The following ST3GAL4 variants were observed in gnomAD, a reference collection of about 807,000 sequenced individuals.
ST3GAL4 encodes the protein ST3 beta-galactoside alpha-2,3-sialyltransferase 4.
In ST3GAL4, 24 loss-of-function variants were observed where a neutral mutation model predicts 42.6. The ratio of observed to expected loss-of-function variants is 0.56; its 90% CI spans 0.41 to 0.79. The LOEUF is 0.79. Ranked by LOEUF, ST3GAL4 falls within the 30% of genes least tolerant of loss-of-function variation. The pLI is 0.00. For missense variants in ST3GAL4, 311 were observed against 430.8 expected (o/e 0.72, Z 2.46); for synonymous variants, 135 against 163.2 (o/e 0.83, Z 1.32).
intron 1 of ST3GAL4, among the ~76,000 whole-genome samples, chr11:126,381,055 T>G (rs1952982671): frequency 6.6e-6 from 1 of 152,216 alleles, no homozygotes; most frequent in Non-Finnish European, 1.5e-5. Context: ...CACTTCTGCA[T>G]GTGCACAGCC....
rs1565432218 is a variant in ST3GAL4, at chr11:126,414,286, C to T, written c.*239C>T. 5 of 560,560 alleles carry T rather than the reference C, an allele frequency of 8.9e-6. No homozygotes were observed. The highest frequency in any genetic ancestry group is 2.2e-5 in the South Asian group (1 of 45,678). The allele number at this position is 560,560 out of a possible 1,614,324, so 34.7% of individuals were successfully genotyped here. On this transcript the variant is annotated 3_prime_UTR_variant, in exon 11 of 11. Transcript: ENST00000444328. ...GGGAGCCCGGCCAGGGCAGGGGGCTCGTTGCTGTGGCACCCCCTCTCTGCC... is the reference window on the plus strand; with the variant it reads ...GGGAGCCCGGCCAGGGCAGGGGGCTTGTTGCTGTGGCACCCCCTCTCTGCC...
At chr11:126,387,079 A>C (rs1953253184) in intron 1 of ST3GAL4, among the ~76,000 whole-genome samples, 1 of 152,198 alleles carries the variant, frequency 6.6e-6, no homozygotes, top group Non-Finnish European at 1.5e-5. Flanking sequence ...CAAGGAGGGC[A>C]AGTAGGGCCA....
intron 1 of ST3GAL4, among the ~76,000 whole-genome samples, chr11:126,361,609 C>A (rs1952246464): frequency 6.6e-6 from 1 of 152,100 alleles, no homozygotes; most frequent in African/African-American, 2.4e-5. Context: ...CCCCCTTCCT[C>A]CCCCTGCGTT....
At chr11:126,402,247 G>C (rs993968800) in intron 1 of ST3GAL4, among the ~76,000 whole-genome samples, 84 of 152,118 alleles carry the variant, frequency 5.5e-4, no homozygotes, top group African/African-American at 1.9e-3. Context: ...CTTGAGGCCA[G>C]GAGTTGGACA....
intron 1 of ST3GAL4, among the ~76,000 whole-genome samples, chr11:126,385,319 AT>A (rs1056766414): frequency 4.6e-5 from 7 of 151,466 alleles, no homozygotes; most frequent in African/African-American, 1.7e-4. Flanking sequence ...CACCCGGCTA[AT>A]TTTTTTTATT....
Position 126,376,632 on chromosome 11 carries a change from C to T in ST3GAL4, c.-61+20790C>T, listed in dbSNP as rs1952840861. ...AGCAAGGTTAAGGCTGTTGTTAAGGCCTCATTGGTTTTGTTTGGTAAGGAA... is the reference window on the plus strand; with the variant it reads ...AGCAAGGTTAAGGCTGTTGTTAAGGTCTCATTGGTTTTGTTTGGTAAGGAA... On this transcript the variant is annotated intron_variant, in intron 1 of 10. Coordinates refer to ENST00000444328, the MANE Select transcript of ST3GAL4 (RefSeq NM_001254757.2). The surrounding 1 kb of genome is among the most constrained non-coding windows in gnomAD (Gnocchi z 5.1). 1 of 152,140 alleles carries T rather than the reference C, an allele frequency of 6.6e-6. No individual in the cohort carries two copies. Among genetic ancestry groups the T allele is most frequent in the Non-Finnish European group, 1.5e-5 (1 of 68,038 alleles). 9.4% of individuals were successfully genotyped at this position (152,140 alleles called of 1,614,324 possible).
chr11:126,364,709 T>C (rs1214896010), intron 1 of ST3GAL4, among the ~76,000 whole-genome samples: 1 of 149,808 alleles, frequency 6.7e-6, no homozygotes, highest in African/African-American at 2.5e-5. Flanking sequence ...ACCACTCCTC[T>C]TGTGCTCAGG....
intron 1 of ST3GAL4, among the ~76,000 whole-genome samples, chr11:126,395,904 AG>A (rs1466024935): frequency 1.3e-5 from 2 of 152,038 alleles, no homozygotes; most frequent in African/African-American, 4.8e-5. Context: ...GTTGGCAAGG[AG>A]GGAGGAGGTG....
chr11:126,413,891 A>G (rs1954634978), intron 10 of ST3GAL4, 70 bp from the exon 11 acceptor site: 1 of 1,569,112 alleles, frequency 6.4e-7, no homozygotes, highest in Non-Finnish European at 8.8e-7. Flanking sequence ...TGGGAGGGGC[A>G]GGGAGACTTT....
intron 6 of ST3GAL4, 111 bp downstream of exon 6, chr11:126,407,745 C>A: frequency 8.7e-7 from 1 of 1,153,852 alleles, no homozygotes. Flanking sequence ...GGACTGGTAC[C>A]ATCCCAGCCA....
intron 1 of ST3GAL4, among the ~76,000 whole-genome samples, chr11:126,371,366 T>C (rs2135408981): frequency 6.6e-6 from 1 of 152,036 alleles, no homozygotes; most frequent in Non-Finnish European, 1.5e-5. Flanking sequence ...GGTTTCACCA[T>C]GTTGGCCAGG....
At chr11:126,371,916 T>C (rs1952666296) in intron 1 of ST3GAL4, among the ~76,000 whole-genome samples, 2 of 152,232 alleles carry the variant, frequency 1.3e-5, no homozygotes. Context: ...ATATTTGGTT[T>C]TAATCTGTAT....
rs1429144145 is a variant in ST3GAL4, at chr11:126,398,707, T to G, written c.-60-7389T>G. Among the ~76,000 whole-genome samples, 1 of 152,214 alleles carries G rather than the reference T, an allele frequency of 6.6e-6. No homozygotes were observed. Among genetic ancestry groups the G allele is most frequent in the Non-Finnish European group, 1.5e-5 (1 of 68,034 alleles). On this transcript the variant is annotated intron_variant, in intron 1 of 10. Coordinates refer to ENST00000444328, the MANE Select transcript of ST3GAL4 (RefSeq NM_001254757.2). This position sits in a 1 kb window ranked among gnomAD's most constrained non-coding sequence, Gnocchi z 4.7. ...GGTCCCGAGTCTGTCCGCAATATCC[T>G]TTGAAATCTAGTTGGAGGGAGCCAG...
rs1953593067 is a variant in ST3GAL4, at chr11:126,393,340, C to G, written c.-60-12756C>G. On this transcript the variant is annotated intron_variant, in intron 1 of 10. Transcript: ENST00000444328. This position sits in a 1 kb window ranked among gnomAD's most constrained non-coding sequence, Gnocchi z 5.9. ...GGGTAGCTGGGTGGCCCGCCCCTTG[C>G]AGGCACTGGGGCAGGATATCAGGGG... 6.6e-6 allele frequency: 1 copy of G among 152,266 alleles called. No homozygotes were observed. The highest frequency in any genetic ancestry group is 2.1e-4 in the South Asian group (1 of 4,832). The allele number at this position is 152,266 out of a possible 1,614,324, so 9.4% of individuals were successfully genotyped here.
At position 126,363,545 on chromosome 11, in the gene ST3GAL4, A is replaced by C. The variant is rs1952321949; in HGVS notation, c.-61+7703A>C. Among the ~76,000 whole-genome samples the C allele has an allele frequency of 6.6e-6, 1 of 152,108 alleles. No homozygotes were observed. The highest frequency in any genetic ancestry group is 1.5e-5 in the Non-Finnish European group (1 of 68,024). On this transcript the variant is annotated intron_variant, in intron 1 of 10. Coordinates refer to ENST00000444328, the MANE Select transcript of ST3GAL4 (RefSeq NM_001254757.2). The surrounding 1 kb of genome is among the most constrained non-coding windows in gnomAD (Gnocchi z 4.6). ...ACAAAAATGGCTCTTCCAGGAGTTG[A>C]GTTTGGCGAAGAGACAGTGCCTGCC... is the stretch of plus-strand genomic sequence containing the variant.
Position 126,406,139 on chromosome 11 carries a change from G to C in ST3GAL4, c.-17G>C, listed in dbSNP as rs1198748078. On this transcript the variant is annotated 5_prime_UTR_variant, in exon 2 of 11. Transcript: ENST00000444328. This position sits in a 1 kb window ranked among gnomAD's most constrained non-coding sequence, Gnocchi z 5.4. ...GATGACAGCTCTCCCCAGGAATCCT[G>C]CTGCCTGCTGAGAAACATGGTCAGC... is the stretch of plus-strand genomic sequence containing the variant. 1.9e-6 allele frequency: 3 copies of C among 1,553,272 alleles called. No individual in the cohort carries two copies. The highest frequency in any genetic ancestry group is 2.6e-6 in the Non-Finnish European group (3 of 1,147,892).
chr11:126,387,402 G>T (rs536906171), intron 1 of ST3GAL4, among the ~76,000 whole-genome samples: 31 of 152,176 alleles, frequency 2.0e-4, no homozygotes, highest in Admixed American at 3.9e-4. Context: ...AGCAGGCCAG[G>T]TGTGGTGGCT....
Position 126,398,241 on chromosome 11 carries a change from A to G in ST3GAL4, c.-60-7855A>G, listed in dbSNP as rs1202936784. On this transcript the variant is annotated intron_variant, in intron 1 of 10. Transcript: ENST00000444328. The surrounding 1 kb of genome is among the most constrained non-coding windows in gnomAD (Gnocchi z 4.7). Reference sequence around the variant, plus strand: ...CAAAGTACAGTGATGGGACAGGCATAGGACAGATATTCCATTCCAAAAGGG... The same window carrying G: ...CAAAGTACAGTGATGGGACAGGCATGGGACAGATATTCCATTCCAAAAGGG... 6.6e-6 allele frequency among the ~76,000 whole-genome samples: 1 copy of G among 152,240 alleles called. No homozygotes were observed.
intron 1 of ST3GAL4, among the ~76,000 whole-genome samples, chr11:126,367,293 C>T (rs1952466247): frequency 1.3e-5 from 2 of 152,182 alleles, no homozygotes; most frequent in South Asian, 4.1e-4. Context: ...TCTCCTGAGG[C>T]TGGGCCATGG....
Sources: allele counts gnomAD v4.1 joint callset (sites outside exome capture counted in the v4.1 genomes callset), GRCh38; gene constraint gnomAD v4.1.1; non-coding constraint Gnocchi (gnomAD v3.1); transcripts MANE v1.5; gene names NCBI Gene and HGNC (gene_info 2026-07-23, HGNC 2026-07-21).